EDN3: variants seen among roughly 807,000 people sequenced by gnomAD.
The protein encoded by EDN3 is endothelin 3, also known as endothelin-3.
In EDN3, 9 loss-of-function variants were observed where a neutral mutation model predicts 21.4. The ratio of observed to expected loss-of-function variants is 0.42; its 90% CI spans 0.25 to 0.73. EDN3 has a LOEUF of 0.73. Among genes scored for constraint, EDN3 ranks in the 30% least tolerant of loss-of-function variants. EDN3 has a pLI of 0.26. For missense variants in EDN3, 327 were observed against 309.4 expected (o/e 1.06, Z -0.43); for synonymous variants, 133 against 126.2 (o/e 1.05, Z -0.36).
intron 2 of EDN3, among the ~76,000 whole-genome samples, chr20:59,304,735 A>G (rs1989281751): frequency 6.6e-6 from 1 of 152,106 alleles, no homozygotes; most frequent in Non-Finnish European, 1.5e-5. Flanking sequence ...TTCAGGCTCA[A>G]GAGACTAGTT....
intron 3 of EDN3, among the ~76,000 whole-genome samples, 198 bp downstream of exon 3, chr20:59,321,391 C>T (rs1034315346): frequency 2.0e-5 from 3 of 152,184 alleles, no homozygotes; most frequent in Admixed American, 2.0e-4. Context: ...GGAGATGCAG[C>T]GTCCCCACCC....
chr20:59,312,511 A>G (rs1392444183), intron 2 of EDN3, among the ~76,000 whole-genome samples: 1 of 152,210 alleles, frequency 6.6e-6, no homozygotes, highest in Admixed American at 6.5e-5. Context: ...GGGGAGGAAT[A>G]GGTCTATGGT....
At chr20:59,318,047 T>C (rs755828622) in intron 2 of EDN3, among the ~76,000 whole-genome samples, 3 of 152,200 alleles carry the variant, frequency 2.0e-5, no homozygotes, top group Non-Finnish European at 4.4e-5. Context: ...CAAAGCCATA[T>C]GCTCCCTCTT....
Position 59,301,714 on chromosome 20 carries a change from C to A in EDN3, c.357C>A (p.Asn119Lys). The A allele has an allele frequency of 6.2e-7, 1 of 1,614,140 alleles. No homozygotes were observed. The highest frequency in any genetic ancestry group is 2.2e-5 in the East Asian group (1 of 44,884). Residue 119 changes from asparagine (N) to lysine (K), a missense_variant, in exon 2 of 5, where the codon AAC becomes AAA. Coordinates refer to ENST00000337938, the MANE Select transcript of EDN3 (RefSeq NM_207034.3). ...GCCACCTGGACATCATTTGGATCAA[C>A]ACTCCCGAGTAAGTCAGCCTTTTGT... ...YYCHLDIIWI[N>K]TPEQTVPYGL...
Position 59,324,646 on chromosome 20 carries a change from C to T in EDN3, c.*187C>T, listed in dbSNP as rs1990744624. 1.3e-6 allele frequency: 1 copy of T among 746,414 alleles called. No homozygotes were observed. The highest frequency in any genetic ancestry group is 2.2e-6 in the Non-Finnish European group (1 of 451,018). The allele number at this position is 746,414 out of a possible 1,614,324, so 46.2% of individuals were successfully genotyped here. Reference sequence around the variant, plus strand: ...CCCAAATCCGAATGACCCCAGTTTTCCTAATGAGTAAAATGATCCCAGATG... The same window carrying T: ...CCCAAATCCGAATGACCCCAGTTTTTCTAATGAGTAAAATGATCCCAGATG... On this transcript the variant is annotated 3_prime_UTR_variant, in exon 5 of 5. Coordinates refer to ENST00000337938, the MANE Select transcript of EDN3 (RefSeq NM_207034.3).
At chr20:59,312,174 G>T (rs1989871886) in intron 2 of EDN3, among the ~76,000 whole-genome samples, 3 of 152,130 alleles carry the variant, frequency 2.0e-5, no homozygotes, top group Admixed American at 6.5e-5. Context: ...ATGAGGCTGG[G>T]CCAGGCAGCC....
intron 2 of EDN3, among the ~76,000 whole-genome samples, chr20:59,318,135 T>G (rs972753652): frequency 6.6e-6 from 1 of 152,164 alleles, no homozygotes; most frequent in East Asian, 1.9e-4. Flanking sequence ...GGCCTGACAC[T>G]TGGGGATGAG....
chr20:59,320,918 A>T, intron 2 of EDN3, 99 bp from the exon 3 acceptor site: 1 of 1,324,206 alleles, frequency 7.6e-7, no homozygotes, highest in Non-Finnish European at 1.1e-6. Flanking sequence ...AGTTTCTGAG[A>T]CCTTTTCAGC....
chr20:59,301,750 G>A (rs371032861), intron 2 of EDN3, 28 bp downstream of exon 2: 24 of 1,612,164 alleles, frequency 1.5e-5, no homozygotes, highest in African/African-American at 4.0e-5. Flanking sequence ...GGTGAGGAAC[G>A]TGGCTCCCGG....
In EDN3 at chr20:59,300,627, C is replaced by G. The variant is rs1988923011; in HGVS notation, c.-186C>G. 3.5e-5 allele frequency: 22 copies of G among 620,762 alleles called. No individual in the cohort carries two copies. The South Asian group carries it at 4.3e-4, about 12-fold the overall frequency. 38.5% of individuals were successfully genotyped at this position (620,762 alleles called of 1,614,324 possible). On this transcript the variant is annotated 5_prime_UTR_variant, in exon 1 of 5. Coordinates refer to ENST00000337938, the MANE Select transcript of EDN3 (RefSeq NM_207034.3). ...GCCAGCTCCGCGCAGGGATGGGCAG[C>G]GCGCTCTGAAAGTTTATGACCGCCG...
intron 2 of EDN3, among the ~76,000 whole-genome samples, chr20:59,306,622 A>T (rs1555845725): frequency 6.8e-6 from 1 of 148,098 alleles, no homozygotes; most frequent in Non-Finnish European, 1.5e-5. Flanking sequence ...AAAAAAAAGC[A>T]TTAACAAAAC....
At chr20:59,307,846 T>A (rs1370089542) in intron 2 of EDN3, among the ~76,000 whole-genome samples, 3 of 146,094 alleles carry the variant, frequency 2.1e-5, no homozygotes, top group African/African-American at 7.6e-5. Context: ...CTAGCTAATT[T>A]AGTAATTTTT....
At chr20:59,319,726 CAAA>C (rs528500611) in intron 2 of EDN3, among the ~76,000 whole-genome samples, 4 of 52,394 alleles carry the variant, frequency 7.6e-5, no homozygotes, top group Non-Finnish European at 8.8e-5. Flanking sequence ...GACTCTGTCT[CAAA>C]AAAAAAAAAA....
rs181855428 is a variant in EDN3 at position 59,324,129 on chromosome 20, T to A, written c.589-202T>A. Among the ~76,000 whole-genome samples the A allele has an allele frequency of 4.5e-4, 69 of 152,306 alleles. No homozygotes were observed. In the East Asian group the frequency reaches 0.01, roughly 23 times the overall value. The stretch of plus-strand genomic sequence containing the variant: ...TAGCAGCCTTGTCTGCTGGTGTTAT[T>A]CTTTTCACACTTTTCCAGTCTGGTG... On this transcript the variant is annotated intron_variant, in intron 4 of 4. Transcript: ENST00000337938.
chr20:59,320,084 T>C (rs1394138394), intron 2 of EDN3, among the ~76,000 whole-genome samples: 1 of 152,214 alleles, frequency 6.6e-6, no homozygotes, highest in Non-Finnish European at 1.5e-5. Flanking sequence ...GGTTTTGCTC[T>C]GAACCACACC....
intron 2 of EDN3, among the ~76,000 whole-genome samples, chr20:59,302,775 C>T (rs184928713): frequency 6.6e-6 from 1 of 152,116 alleles, no homozygotes; most frequent in South Asian, 2.1e-4. Flanking sequence ...TGGAAAGGCA[C>T]CTTTGCCACC....
Position 59,322,510 on chromosome 20 carries a change from G to T in EDN3, c.588+93G>T. 1 of 1,544,978 alleles carries T rather than the reference G, an allele frequency of 6.5e-7. No individual in the cohort carries two copies. The highest frequency in any genetic ancestry group is 1.1e-5 in the South Asian group (1 of 89,050). On this transcript the variant is annotated intron_variant, in intron 4 of 4. Coordinates refer to ENST00000337938, the MANE Select transcript of EDN3 (RefSeq NM_207034.3). This position sits in a 1 kb window ranked among gnomAD's most constrained non-coding sequence, Gnocchi z 4.1. The stretch of plus-strand genomic sequence containing the variant: ...GGGTGGAGGGTGTTTTGAGGGGATG[G>T]CATCTGGTCTGGTCCAGTGGGAACC...
chr20:59,300,681 G>C lies in EDN3; in HGVS notation c.-132G>C. On this transcript the variant is annotated 5_prime_UTR_variant, in exon 1 of 5. Coordinates refer to ENST00000337938, the MANE Select transcript of EDN3 (RefSeq NM_207034.3). Reference sequence around the variant, plus strand: ...CCAACTCCTGGCCGGAGCTGGAGACGCAGCGAGCGATCGGCCGGCCTCGAA... The same window carrying C: ...CCAACTCCTGGCCGGAGCTGGAGACCCAGCGAGCGATCGGCCGGCCTCGAA... The C allele has an allele frequency of 1.2e-6, 1 of 854,710 alleles. No individual in the cohort carries two copies. Among genetic ancestry groups the C allele is most frequent in the Non-Finnish European group, 1.8e-6 (1 of 548,214 alleles). 52.9% of individuals were successfully genotyped at this position (854,710 alleles called of 1,614,324 possible).
chr20:59,321,170 C>T lies in EDN3; in HGVS notation c.519C>T (p.Cys173=). 3 of 1,614,248 alleles carry T rather than the reference C, an allele frequency of 1.9e-6. No individual in the cohort carries two copies. Among genetic ancestry groups the T allele is most frequent in the Non-Finnish European group, 2.5e-6 (3 of 1,180,044 alleles). Reference sequence around the variant, plus strand: ...ATGACAAGGCCTGCCTGCACTTTTGCACCCAAACTCTGGACGTCAGCAGGT... The same window carrying T: ...ATGACAAGGCCTGCCTGCACTTTTGTACCCAAACTCTGGACGTCAGCAGGT... The part of the protein sequence containing the change: ...GRYDKACLHF[C]TQTLDVSSNS... The change falls in exon 3 of 5, where the codon TGC becomes TGT. Residue 173 remains cysteine (C), a synonymous_variant. Coordinates refer to ENST00000337938, the MANE Select transcript of EDN3 (RefSeq NM_207034.3).
Sources: gnomAD v4.1 joint callset for allele counts (sites outside exome capture counted in the v4.1 genomes callset) on GRCh38, gnomAD v4.1.1 for gene constraint, Gnocchi (gnomAD v3.1) non-coding constraint, MANE v1.5 for transcripts, NCBI Gene and HGNC (gene_info 2026-07-23, HGNC 2026-07-21) for gene names.